PPP2R2C: variants seen among roughly 807,000 people sequenced by gnomAD.
The protein encoded by PPP2R2C is protein phosphatase 2 regulatory subunit Bgamma, also known as protein phosphatase 2, regulatory subunit B, gamma.
In PPP2R2C, 10 loss-of-function variants were observed where a neutral mutation model predicts 45.3. The ratio of observed to expected loss-of-function variants is 0.22; its 90% confidence interval spans 0.14 to 0.37. The LOEUF is 0.37. PPP2R2C is among the 10% of genes least tolerant of loss of function. PPP2R2C has a pLI of 1.00. For synonymous variants in PPP2R2C, 257 were observed against 245.4 expected, an observed-to-expected ratio of 1.05 and a Z score of -0.44; for missense variants, 308 against 619.7, an observed-to-expected ratio of 0.50 and a Z score of 5.34.
At chr4:6,426,569 G>C (rs4689003) in intron 1 of PPP2R2C, among the ~76,000 whole-genome samples, 1 of 152,040 alleles carries the variant, frequency 6.6e-6, no homozygotes, top group African/African-American at 2.4e-5. Context: ...TGTGGTCCTT[G>C]TATTTCAGAC....
chr4:6,529,623 C>T (rs920419598), intron 2 of PPP2R2C, among the ~76,000 whole-genome samples: 1 of 152,206 alleles, frequency 6.6e-6, no homozygotes, highest in African/African-American at 2.4e-5. Flanking sequence ...AAAGCCCCTA[C>T]CCCATCCCCC....
chr4:6,561,920 A>G (rs761011511), intron 1 of PPP2R2C, among the ~76,000 whole-genome samples: 4 of 152,216 alleles, frequency 2.6e-5, no homozygotes, highest in Non-Finnish European at 5.9e-5. Flanking sequence ...TCACTAATCG[A>G]CAGTCAACAA....
intron 1 of PPP2R2C, among the ~76,000 whole-genome samples, chr4:6,458,048 G>A (rs965123942): frequency 6.6e-6 from 1 of 152,200 alleles, no homozygotes; most frequent in African/African-American, 2.4e-5. Context: ...TCCTCTGGCT[G>A]CATATAAGAG....
chr4:6,417,512 C>T (rs1440092001), intron 1 of PPP2R2C, among the ~76,000 whole-genome samples: 2 of 152,224 alleles, frequency 1.3e-5, no homozygotes, highest in African/African-American at 4.8e-5. Context: ...GAGAACAAGC[C>T]TCAGGCTCCC....
At chr4:6,551,705 G>T (rs1487826869) in intron 1 of PPP2R2C, among the ~76,000 whole-genome samples, 4 of 152,230 alleles carry the variant, frequency 2.6e-5, no homozygotes, top group East Asian at 1.9e-4. Flanking sequence ...CAGGGCTCAG[G>T]TGACAGTCCC....
intron 1 of PPP2R2C, among the ~76,000 whole-genome samples, chr4:6,427,008 A>C (rs1353519212): frequency 2.0e-5 from 3 of 152,252 alleles, no homozygotes; most frequent in Non-Finnish European, 4.4e-5. Context: ...GGAAGCGGCC[A>C]CATACCACGG....
upstream of PPP2R2C, among the ~76,000 whole-genome samples, chr4:6,475,835 G>A (rs1365567073): frequency 6.6e-6 from 1 of 152,230 alleles, no homozygotes. Context: ...AAGTGCACAG[G>A]CTGAAGCCCT....
chr4:6,514,749 A>G (rs1035371385), intron 2 of PPP2R2C, among the ~76,000 whole-genome samples: 1 of 152,200 alleles, frequency 6.6e-6, no homozygotes, highest in Admixed American at 6.5e-5. Context: ...GTGGCCCCAA[A>G]CAACGGAATC....
At chr4:6,347,643 A>G (rs936393298) in intron 6 of PPP2R2C, among the ~76,000 whole-genome samples, 10 of 152,076 alleles carry the variant, frequency 6.6e-5, no homozygotes, top group African/African-American at 2.4e-4. Flanking sequence ...CTGGCTGTGC[A>G]GGGACTCTGG....
At position 6,447,827 on chromosome 4, in the gene PPP2R2C, G is replaced by A. The variant is rs972307224; in HGVS notation, c.70+24333C>T. ...CTCCCGTGCCTCAGCTACGGCTGGA[G>A]TAACAGCAGCGCAAGCACATCCCTG... is the stretch of plus-strand genomic sequence containing the variant. On this transcript the variant is annotated intron_variant, in intron 1 of 8. Transcript: ENST00000382599. Among the ~76,000 whole-genome samples, 3 of 152,200 alleles carry A rather than the reference G, an allele frequency of 2.0e-5. No individual in the cohort carries two copies. In the East Asian group the frequency reaches 5.8e-4, roughly 29 times the overall value.
Position 6,472,203 on chromosome 4 carries a change from T to C in PPP2R2C, c.27A>G (p.Lys9=), listed in dbSNP as rs755574828. 1 of 1,613,216 alleles carries C rather than the reference T, an allele frequency of 6.2e-7. No homozygotes were observed. Among genetic ancestry groups the C allele is most frequent in the Non-Finnish European group, 8.5e-7 (1 of 1,179,404 alleles). Residue 9 remains lysine, a synonymous_variant, in exon 1 of 9, where the codon AAA becomes AAG. Coordinates refer to ENST00000382599, the MANE Select transcript of PPP2R2C (RefSeq NM_020416.4). ...GGTCCCGCAGGAAGCTGTGGTTAAT[T>C]TTCCGCGTGTCCGTGTCCTCGCCCA... The part of the protein sequence containing the change: MGEDTDTR[K]INHSFLRDHS...
At chr4:6,509,485 AT>A (rs1475753514) in intron 2 of PPP2R2C, among the ~76,000 whole-genome samples, 2 of 151,816 alleles carry the variant, frequency 1.3e-5, no homozygotes, top group Non-Finnish European at 2.9e-5. Context: ...CAAAAAAAAA[AT>A]AAATAAATAA....
rs1351110040 is a variant in PPP2R2C at position 6,328,333 on chromosome 4, T to C, written c.1052+929A>G. 6.6e-6 allele frequency among the ~76,000 whole-genome samples: 1 copy of C among 152,158 alleles called. No individual in the cohort carries two copies. The highest frequency in any genetic ancestry group is 6.5e-5 in the Admixed American group (1 of 15,280). ...TCATCTGGAGACCCACTTCTGAATCTGGGCGGCTGGACAAAGAGGCATCCT... is the reference window on the plus strand; with the variant it reads ...TCATCTGGAGACCCACTTCTGAATCCGGGCGGCTGGACAAAGAGGCATCCT... On this transcript the variant is annotated intron_variant, in intron 8 of 8. Coordinates refer to ENST00000382599, the MANE Select transcript of PPP2R2C (RefSeq NM_020416.4). This position sits in a 1 kb window ranked among gnomAD's most constrained non-coding sequence, Gnocchi z 4.4.
intron 1 of PPP2R2C, among the ~76,000 whole-genome samples, chr4:6,390,609 C>T (rs944151756): frequency 2.0e-5 from 3 of 152,206 alleles, no homozygotes; most frequent in East Asian, 1.9e-4. Context: ...CGGGACTGGA[C>T]ATCAGCACTG....
intron 2 of PPP2R2C, among the ~76,000 whole-genome samples, chr4:6,522,275 C>T (rs1018025714): frequency 2.6e-5 from 4 of 152,190 alleles, no homozygotes; most frequent in Admixed American, 2.6e-4. Context: ...ATGTAAGTAC[C>T]CAGGAAGGCT....
chr4:6,563,707 G>T (rs1308614526), upstream of PPP2R2C: 1 of 144,788 alleles, frequency 6.9e-6, no homozygotes, highest in Non-Finnish European at 1.5e-5. The surrounding 1 kb of genome is among the most constrained non-coding windows in gnomAD (Gnocchi z 5.8). Flanking sequence ...GCGGGGGGCG[G>T]GGGGCGGGGG....
chr4:6,477,421 C>G (rs1722200652), upstream of PPP2R2C, among the ~76,000 whole-genome samples: 1 of 152,100 alleles, frequency 6.6e-6, no homozygotes, highest in Admixed American at 6.5e-5. Flanking sequence ...AACGCCAAAC[C>G]CAGCATCCTC....
rs1715365424 is a variant in PPP2R2C, at chr4:6,377,059, G to C, written c.335-1128C>G. ...AAGGCGGGCACCCAGCAAGGCTTAT[G>C]GGATGAGGAGGGAGTTGGCCAGGTA... On this transcript the variant is annotated intron_variant, in intron 3 of 8. Transcript: ENST00000382599. Among the ~76,000 whole-genome samples the C allele has an allele frequency of 2.6e-5, 4 of 152,232 alleles. No individual in the cohort carries two copies. In the South Asian group the frequency reaches 8.3e-4, roughly 32 times the overall value.
At chr4:6,547,097 A>C (rs145764639) in intron 1 of PPP2R2C, among the ~76,000 whole-genome samples, 2,835 of 152,324 alleles carry the variant, frequency 0.019, 35 homozygotes, top group Non-Finnish European at 0.029. Context: ...ACATTTACTC[A>C]TCTTCAAAAC....
Sources: allele counts gnomAD v4.1 joint callset (sites outside exome capture counted in the v4.1 genomes callset), GRCh38; gene constraint gnomAD v4.1.1; non-coding constraint Gnocchi (gnomAD v3.1); transcripts MANE v1.5; gene names NCBI Gene and HGNC (gene_info 2026-07-23, HGNC 2026-07-21).